PTPRO: variants seen among roughly 807,000 people sequenced by gnomAD.
PTPRO encodes protein tyrosine phosphatase receptor type O.
A neutral mutation model predicts 145.2 loss-of-function variants in PTPRO; 62 were observed. That is an observed-to-expected ratio of 0.43 (90% CI 0.35 to 0.53). The LOEUF is 0.53. Among genes scored for constraint, PTPRO ranks in the 20% least tolerant of loss-of-function variants. PTPRO has a pLI of 0.01. For missense variants in PTPRO, 1,345 were observed against 1,482.7 expected, an observed-to-expected ratio of 0.91 and a Z score of 1.53; for synonymous variants, 565 against 514.7, an observed-to-expected ratio of 1.10 and a Z score of -1.32.
chr12:15,404,327 G>A (rs531239440), intron 1 of PTPRO, among the ~76,000 whole-genome samples: 3 of 152,096 alleles, frequency 2.0e-5, no homozygotes, highest in South Asian at 2.1e-4. Flanking sequence ...TTTATGAGAG[G>A]AAAATGGCAT....
chr12:15,524,741 T>C, intron 10 of PTPRO, 73 bp from the exon 11 acceptor site: 1 of 1,499,140 alleles, frequency 6.7e-7, no homozygotes, highest in Non-Finnish European at 9.3e-7. Context: ...CTATATGGGA[T>C]TTCATGCTCT....
chr12:15,324,039 T>A (rs180967154), intron 1 of PTPRO, among the ~76,000 whole-genome samples: 1 of 152,194 alleles, frequency 6.6e-6, no homozygotes, highest in Admixed American at 6.5e-5. Flanking sequence ...TCAATAATCA[T>A]TAATTTTAAA....
intron 1 of PTPRO, among the ~76,000 whole-genome samples, chr12:15,364,446 T>C (rs1015060930): frequency 6.6e-6 from 1 of 152,158 alleles, no homozygotes; most frequent in African/African-American, 2.4e-5. Context: ...TTTTTGTGGT[T>C]TCCTAAATGC....
At chr12:15,474,166 G>A (rs1405920616) in intron 1 of PTPRO, among the ~76,000 whole-genome samples, 1 of 152,138 alleles carries the variant, frequency 6.6e-6, no homozygotes. Flanking sequence ...CACATAGCCT[G>A]GCCCAGATGA....
chr12:15,582,423 G>GA (rs922544548), intron 23 of PTPRO, among the ~76,000 whole-genome samples: 6 of 152,198 alleles, frequency 3.9e-5, no homozygotes, highest in African/African-American at 1.4e-4. Flanking sequence ...CCTTCAAGAG[G>GA]AAAAATCCAT....
chr12:15,345,498 T>C (rs947165904), intron 1 of PTPRO, among the ~76,000 whole-genome samples: 7 of 151,814 alleles, frequency 4.6e-5, no homozygotes, highest in African/African-American at 1.5e-4. Context: ...CTCAACAAAC[T>C]GACACAAGAA....
rs1943381409 is a variant in PTPRO, at chr12:15,549,091, C to G, written c.2305-3C>G. 1 of 1,613,022 alleles carries G rather than the reference C, an allele frequency of 6.2e-7. No individual in the cohort carries two copies. Among genetic ancestry groups the G allele is most frequent in the African/African-American group, 1.3e-5 (1 of 74,750 alleles). Reference sequence around the variant, plus strand: ...AAATTTACCTTATTTTCTGAAACCCCAGGAACCAGTTGCTGTTTCTTCCCA... The same window carrying G: ...AAATTTACCTTATTTTCTGAAACCCGAGGAACCAGTTGCTGTTTCTTCCCA... On this transcript the variant is annotated splice_region_variant and splice_polypyrimidine_tract_variant and intron_variant, in intron 13 of 26. Transcript: ENST00000281171.
chr12:15,368,818 G>A (rs897360682), intron 1 of PTPRO, among the ~76,000 whole-genome samples: 2 of 152,090 alleles, frequency 1.3e-5, no homozygotes, highest in Non-Finnish European at 2.9e-5. Context: ...TTTAATTGTT[G>A]GAAGTGCTTA....
intron 1 of PTPRO, among the ~76,000 whole-genome samples, chr12:15,448,151 T>G (rs1349806696): frequency 6.6e-6 from 1 of 151,816 alleles, no homozygotes; most frequent in Admixed American, 6.6e-5. Context: ...CTATAAGATA[T>G]CAAAATGCCA....
At chr12:15,590,414 T>G (rs1171368157) in intron 25 of PTPRO, among the ~76,000 whole-genome samples, 1 of 152,174 alleles carries the variant, frequency 6.6e-6, no homozygotes, top group Non-Finnish European at 1.5e-5. Context: ...ATCCTTTTTC[T>G]CAAAGAGTAT....
chr12:15,371,897 C>T (rs1938542293), intron 1 of PTPRO, among the ~76,000 whole-genome samples: 1 of 152,084 alleles, frequency 6.6e-6, no homozygotes, highest in African/African-American at 2.4e-5. Flanking sequence ...AAGAAGGTGC[C>T]TTATTTCCAC....
intron 3 of PTPRO, among the ~76,000 whole-genome samples, chr12:15,499,105 T>C (rs1195286881): frequency 6.6e-6 from 1 of 152,214 alleles, no homozygotes; most frequent in African/African-American, 2.4e-5. Context: ...CTTGGATTTT[T>C]ATCTTAAAGT....
chr12:15,582,715 T>G (rs924498861), intron 23 of PTPRO, among the ~76,000 whole-genome samples: 17 of 151,982 alleles, frequency 1.1e-4, no homozygotes, highest in South Asian at 2.1e-4. Flanking sequence ...TTTTGTTTTG[T>G]TTTTTTTCTT....
At chr12:15,593,554 T>C (rs1036415263) in intron 25 of PTPRO, among the ~76,000 whole-genome samples, 17 of 152,212 alleles carry the variant, frequency 1.1e-4, no homozygotes, top group African/African-American at 3.9e-4. Context: ...TAGTTTCTCA[T>C]TTAGGATTTT....
intron 1 of PTPRO, among the ~76,000 whole-genome samples, chr12:15,418,905 A>G (rs1456177572): frequency 6.6e-6 from 1 of 151,718 alleles, no homozygotes; most frequent in Non-Finnish European, 1.5e-5. Flanking sequence ...TTTCCTCTAC[A>G]CACATAAAAA....
chr12:15,398,378 T>C (rs1939400398), intron 1 of PTPRO, among the ~76,000 whole-genome samples: 1 of 152,110 alleles, frequency 6.6e-6, no homozygotes, highest in Non-Finnish European at 1.5e-5. Context: ...TTTTACTTTC[T>C]CTCGTTATGT....
intron 12 of PTPRO, among the ~76,000 whole-genome samples, chr12:15,544,368 G>A (rs1282834051): frequency 6.6e-6 from 1 of 151,808 alleles, no homozygotes; most frequent in Non-Finnish European, 1.5e-5. Flanking sequence ...AGCTGGGCAT[G>A]GTGGCATGCG....
intron 1 of PTPRO, among the ~76,000 whole-genome samples, chr12:15,330,435 C>A (rs1263130898): frequency 6.6e-6 from 1 of 152,132 alleles, no homozygotes; most frequent in Non-Finnish European, 1.5e-5. Context: ...CTCTCGAGAT[C>A]AACTGTGCTG....
At chr12:15,433,337 G>A (rs911721929) in intron 1 of PTPRO, among the ~76,000 whole-genome samples, 4 of 151,882 alleles carry the variant, frequency 2.6e-5, no homozygotes, top group South Asian at 2.1e-4. Flanking sequence ...CACCATGCTC[G>A]GCTAACTTTT....
Sources: allele counts gnomAD v4.1 joint callset (sites outside exome capture counted in the v4.1 genomes callset), GRCh38; gene constraint gnomAD v4.1.1; transcripts MANE v1.5; gene names NCBI Gene and HGNC (gene_info 2026-07-23, HGNC 2026-07-21).